RBM45: variants seen among roughly 807,000 people sequenced by gnomAD.
The protein encoded by RBM45 is RNA binding motif protein 45, also known as RNA-binding protein 45.
In RBM45, 39 loss-of-function variants were observed where a neutral mutation model predicts 58.5. That is an observed-to-expected ratio of 0.67 (90% CI 0.52 to 0.87). The LOEUF is 0.87. Among genes scored for constraint, RBM45 ranks in the 40% least tolerant of loss-of-function variants. The pLI, the probability that RBM45 is intolerant of heterozygous loss-of-function variation, is 0.00. For synonymous variants in RBM45, 193 were observed against 203.0 expected (o/e 0.95, Z 0.42); for missense variants, 481 against 581.6 (o/e 0.83, Z 1.78).
chr2:178,116,252 T>C lies in RBM45; in HGVS notation c.301-10T>C. On this transcript the variant is annotated splice_polypyrimidine_tract_variant and intron_variant, in intron 1 of 9. Coordinates refer to ENST00000286070, the MANE Select transcript of RBM45 (RefSeq NM_152945.4). ...ATTATTTTATTTTGGGAGTTTTGTT[T>C]GTTTCTTAGGTTTTCATTGCTCAGT... 1 of 1,553,784 alleles carries C rather than the reference T, an allele frequency of 6.4e-7. No individual in the cohort carries two copies. Among genetic ancestry groups the C allele is most frequent in the East Asian group, 2.3e-5 (1 of 43,084 alleles).
intron 9 of RBM45, among the ~76,000 whole-genome samples, chr2:178,127,108 T>C (rs554878176): frequency 1.3e-5 from 2 of 152,144 alleles, no homozygotes; most frequent in African/African-American, 4.8e-5. Flanking sequence ...GGCTAATTTT[T>C]TGTATTTTTA....
chr2:178,114,108 G>GGCT (rs1394284797), intron 1 of RBM45, among the ~76,000 whole-genome samples: 3 of 152,086 alleles, frequency 2.0e-5, no homozygotes, highest in Non-Finnish European at 4.4e-5. Flanking sequence ...TTCTGTAAAG[G>GGCT]GCTGACTAGT....
At position 178,112,562 on chromosome 2, in the gene RBM45, A is replaced by G. The variant is rs1398456855; in HGVS notation, c.16A>G (p.Ser6Gly). MDEAG[S>G]SASGGGFRPG... is the part of the protein sequence containing the mutation. ...GTGGAGCACCATGGACGAAGCTGGC[A>G]GCTCTGCGAGCGGCGGGGGCTTCCG... Residue 6 changes from serine (S) to glycine (G), a missense_variant, in exon 1 of 10, where the codon AGC becomes GGC. Ser to Gly is a moderately conservative substitution (Grantham distance 56). Coordinates refer to ENST00000286070, the MANE Select transcript of RBM45 (RefSeq NM_152945.4). 1 of 1,613,494 alleles carries G rather than the reference A, an allele frequency of 6.2e-7. No individual in the cohort carries two copies. The highest frequency in any genetic ancestry group is 1.1e-5 in the South Asian group (1 of 91,050).
At chr2:178,122,573 G>A (rs2087869310) in intron 5 of RBM45, among the ~76,000 whole-genome samples, 1 of 151,940 alleles carries the variant, frequency 6.6e-6, no homozygotes, top group Non-Finnish European at 1.5e-5. Flanking sequence ...TTTGTTATAT[G>A]CATATGAAGT....
chr2:178,116,151 G>T, intron 1 of RBM45, 111 bp from the exon 2 acceptor site: 2 of 1,341,068 alleles, frequency 1.5e-6, no homozygotes, highest in African/African-American at 1.5e-5. Context: ...TTGAGACCCT[G>T]TCTCAAAGAT....
At chr2:178,131,610 A>G (rs2088006486), downstream of RBM45, among the ~76,000 whole-genome samples, 1 of 152,236 alleles carries the variant, frequency 6.6e-6, no homozygotes, top group South Asian at 2.1e-4. Context: ...TGCCTTATCT[A>G]GATGTATTTC....
chr2:178,133,020 C>A (rs2088017425), downstream of RBM45, among the ~76,000 whole-genome samples: 1 of 152,154 alleles, frequency 6.6e-6, no homozygotes, highest in South Asian at 2.1e-4. Context: ...TGGTCAGTGG[C>A]ATTCACTTTG....
At chr2:178,122,419 C>T (rs2105905126) in intron 5 of RBM45, among the ~76,000 whole-genome samples, 1 of 152,278 alleles carries the variant, frequency 6.6e-6, no homozygotes, top group East Asian at 1.9e-4. Context: ...TTCATACAGA[C>T]ACCCCCACAT....
chr2:178,128,854 C>T (rs2087970701), intron 9 of RBM45, among the ~76,000 whole-genome samples: 1 of 152,076 alleles, frequency 6.6e-6, no homozygotes, highest in Non-Finnish European at 1.5e-5. Flanking sequence ...AAACATATTA[C>T]CTTATTTTAA....
At chr2:178,113,337 T>A (rs2087730618) in intron 1 of RBM45, among the ~76,000 whole-genome samples, 1 of 152,112 alleles carries the variant, frequency 6.6e-6, no homozygotes, top group Non-Finnish European at 1.5e-5. Context: ...ACCTCTGGTG[T>A]TGGACGTTTT....
chr2:178,128,292 G>A (rs76843678), intron 9 of RBM45, among the ~76,000 whole-genome samples: 7,532 of 152,086 alleles, frequency 0.05, 265 homozygotes, highest in Middle Eastern at 0.076. Flanking sequence ...GAACCACTGC[G>A]ACTGACCCTC....
chr2:178,115,500 C>T (rs1351305663), intron 1 of RBM45, among the ~76,000 whole-genome samples: 4 of 152,112 alleles, frequency 2.6e-5, no homozygotes, highest in African/African-American at 7.2e-5. Flanking sequence ...TAGTTGTACT[C>T]ATATGGTGCT....
downstream of RBM45, among the ~76,000 whole-genome samples, chr2:178,130,558 G>A (rs934983519): frequency 2.0e-5 from 3 of 151,904 alleles, no homozygotes; most frequent in Non-Finnish European, 2.9e-5. Context: ...TTAAAAATTA[G>A]GGATCTATTC....
rs763690231 is a variant in RBM45, at chr2:178,112,590, C to G, written c.44C>G (p.Pro15Arg). The change falls in exon 1 of 10, where the codon CCG becomes CGG. Residue 15 changes from proline (P) to arginine (R), a missense_variant. By Grantham distance (103) the Pro-to-Arg change is moderately radical. Coordinates refer to ENST00000286070, the MANE Select transcript of RBM45 (RefSeq NM_152945.4). ...GSSASGGGFR[P>R]GVDSLDEPPN... ...TCTGCGAGCGGCGGGGGCTTCCGCCCGGGCGTGGACAGCCTGGACGAACCG... is the reference window on the plus strand; with the variant it reads ...TCTGCGAGCGGCGGGGGCTTCCGCCGGGGCGTGGACAGCCTGGACGAACCG... 4 of 1,611,034 alleles carry G rather than the reference C, an allele frequency of 2.5e-6. No homozygotes were observed. The highest frequency in any genetic ancestry group is 1.3e-5 in the African/African-American group (1 of 74,944).
chr2:178,112,895 T>G, intron 1 of RBM45, 49 bp downstream of exon 1: 2 of 1,558,106 alleles, frequency 1.3e-6, no homozygotes, highest in South Asian at 2.3e-5. Context: ...GTGGGCCTCT[T>G]GGACCTCCCT....
At chr2:178,132,646 A>G (rs1033082546), downstream of RBM45, among the ~76,000 whole-genome samples, 1 of 152,130 alleles carries the variant, frequency 6.6e-6, no homozygotes, top group Non-Finnish European at 1.5e-5. Context: ...GCTGGAGTAC[A>G]ATGGTGCGAT....
intron 9 of RBM45, among the ~76,000 whole-genome samples, chr2:178,129,133 T>C (rs913759429): frequency 1.3e-5 from 2 of 152,218 alleles, no homozygotes; most frequent in Non-Finnish European, 2.9e-5. Context: ...TGTAATTCTC[T>C]TTCTATTTGA....
rs766543405 is a variant in RBM45 at position 178,121,345 on chromosome 2, C to G, written c.839C>G (p.Pro280Arg). The G allele has an allele frequency of 1.3e-6, 2 of 1,551,734 alleles. No individual in the cohort carries two copies. The highest frequency in any genetic ancestry group is 4.6e-5 in the East Asian group (2 of 43,258). Residue 280 changes from proline to arginine, a missense_variant, in exon 5 of 10, where the codon CCT (proline) becomes CGT (arginine). Physicochemically the swap from Pro to Arg is moderately radical, Grantham distance 103 (BLOSUM62 -2). Transcript: ENST00000286070. The stretch of plus-strand genomic sequence containing the variant: ...GAATATTGTGAAGTTCAACGAGATC[C>G]TTATTCAAATTATGGTAAAATAATG... ...GLEYCEVQRD[P>R]YSNYGHGVVQ... is the part of the protein sequence containing the mutation.
chr2:178,131,979 T>C (rs1248565572), downstream of RBM45, among the ~76,000 whole-genome samples: 2 of 152,204 alleles, frequency 1.3e-5, no homozygotes, highest in Non-Finnish European at 2.9e-5. Flanking sequence ...AAGAACATAA[T>C]ATATAAATAC....
Sources: allele counts gnomAD v4.1 joint callset (sites outside exome capture counted in the v4.1 genomes callset), GRCh38; gene constraint gnomAD v4.1.1; transcripts MANE v1.5; gene names NCBI Gene and HGNC (gene_info 2026-07-23, HGNC 2026-07-21).